ADAMTS4: variants seen among roughly 807,000 people sequenced by gnomAD.
ADAMTS4 encodes the protein A disintegrin and metalloproteinase with thrombospondin motifs 4.
ADAMTS4 carries 38 observed loss-of-function variants against 66.7 expected under a neutral mutation model. The observed-to-expected ratio is 0.57, with a 90% CI of 0.44 to 0.75. The LOEUF (loss-of-function observed/expected upper bound fraction) is 0.75. ADAMTS4 is among the 30% of genes least tolerant of loss of function. The pLI is 0.00. For synonymous variants in ADAMTS4, 418 were observed against 461.5 expected (o/e 0.91, Z 1.21); for missense variants, 1,014 against 1,116.7 (o/e 0.91, Z 1.31).
At position 161,198,604 on chromosome 1, in the gene ADAMTS4, G is replaced by A. The variant is rs746728913; in HGVS notation, c.24C>T (p.Pro8=). The A allele has an allele frequency of 1.1e-5, 17 of 1,536,888 alleles. No individual in the cohort carries two copies. The South Asian group carries it at 1.5e-4, about 14-fold the overall frequency. The stretch of plus-strand genomic sequence containing the variant: ...GCCAGCGCCCTGCCAAGCCCCTCCC[G>A]GGATGCGAGCCTGTCTGGGACATGG... MSQTGSH[P]GRGLAGRWLW... Residue 8 remains proline, a synonymous_variant, in exon 1 of 9, where the codon CCC becomes CCT. Coordinates refer to ENST00000367996, the MANE Select transcript of ADAMTS4 (RefSeq NM_005099.6). The surrounding 1 kb of genome is among the most constrained non-coding windows in gnomAD (Gnocchi z 4.7).
rs1664700422 is a variant in ADAMTS4, at chr1:161,192,211, G to A, written c.1941C>T (p.Asp647=). ...GGCCCTGGACACAGACCGAGGAGCT[G>A]TCCGGGGAACAGGGGGTCCCATCTA... ...RVVDGTPCSP[D]SSSVCVQGRC... The change falls in exon 8 of 9, where the codon GAC becomes GAT. Residue 647 remains aspartate (D), a synonymous_variant. Transcript: ENST00000367996. 1 of 1,614,054 alleles carries A rather than the reference G, an allele frequency of 6.2e-7. No homozygotes were observed. The highest frequency in any genetic ancestry group is 1.3e-5 in the African/African-American group (1 of 75,020).
Position 161,192,100 on chromosome 1 carries a change from A to G in ADAMTS4, c.2052T>C (p.Gly684=). The stretch of plus-strand genomic sequence containing the variant: ...TGAAGGAGCCTGACTGCTTGCTGCA[A>G]CCAGAACCGTCCCCTCCGCACACCA... ...KCMVCGGDGS[G]CSKQSGSFRK... is the part of the protein sequence containing the mutation. Residue 684 remains glycine, a synonymous_variant, in exon 8 of 9, where the codon GGT becomes GGC. Coordinates refer to ENST00000367996, the MANE Select transcript of ADAMTS4 (RefSeq NM_005099.6). 1 of 1,614,036 alleles carries G rather than the reference A, an allele frequency of 6.2e-7. No individual in the cohort carries two copies. Among genetic ancestry groups the G allele is most frequent in the African/African-American group, 1.3e-5 (1 of 75,012 alleles).
rs1008875199 is a variant in ADAMTS4 at position 161,185,772 on chromosome 1, C to T, written c.*5366G>A. On this transcript the variant is annotated 3_prime_UTR_variant, in exon 9 of 9. Transcript: ENST00000367996. ...AGAGATGGAAGAGAAGTGTAAATGC[C>T]GATTCCACAGCACACTCCAGGAACC... 2.0e-5 allele frequency: 3 copies of T among 152,096 alleles called. No homozygotes were observed. Among genetic ancestry groups the T allele is most frequent in the African/African-American group, 7.2e-5 (3 of 41,414 alleles). The allele number at this position is 152,096 out of a possible 1,614,324, so 9.4% of individuals were successfully genotyped here.
rs930628204 is a variant in ADAMTS4 at position 161,187,316 on chromosome 1, C to T, written c.*3822G>A. 9.2e-5 allele frequency: 14 copies of T among 152,116 alleles called. No homozygotes were observed. The highest frequency in any genetic ancestry group is 3.4e-4 in the African/African-American group (14 of 41,404). The allele number at this position is 152,116 out of a possible 1,614,324, so 9.4% of individuals were successfully genotyped here. ...AGAACTCTGCTCATTGTACCATCAA[C>T]TCATAGTATCAAGGTCCATAAACAT... On this transcript the variant is annotated 3_prime_UTR_variant, in exon 9 of 9. Coordinates refer to ENST00000367996, the MANE Select transcript of ADAMTS4 (RefSeq NM_005099.6).
At position 161,198,548 on chromosome 1, in the gene ADAMTS4, G is replaced by A; in HGVS notation, c.80C>T (p.Pro27Leu). 1 of 1,563,832 alleles carries A rather than the reference G, an allele frequency of 6.4e-7. No homozygotes were observed. Among genetic ancestry groups the A allele is most frequent in the Non-Finnish European group, 8.7e-7 (1 of 1,154,382 alleles). ...CACCAGCCAGGAGAGCGGCACAATGGGGAGCAGGAGGCAGGGTTGGGCTCC... is the reference window on the plus strand; with the variant it reads ...CACCAGCCAGGAGAGCGGCACAATGAGGAGCAGGAGGCAGGGTTGGGCTCC... The part of the protein sequence containing the change: ...LWGAQPCLLL[P>L]IVPLSWLVWL... The change falls in exon 1 of 9, where the codon CCC (proline) becomes CTC (leucine). Residue 27 changes from proline to leucine, a missense_variant. Pro to Leu is a moderately conservative substitution (Grantham distance 98, BLOSUM62 -3). Coordinates refer to ENST00000367996, the MANE Select transcript of ADAMTS4 (RefSeq NM_005099.6). The surrounding 1 kb of genome is among the most constrained non-coding windows in gnomAD (Gnocchi z 4.7).
chr1:161,191,916 A>T, intron 8 of ADAMTS4, 149 bp downstream of exon 8: 1 of 994,532 alleles, frequency 1.0e-6, no homozygotes, highest in South Asian at 1.6e-5. Flanking sequence ...TCGGATGAAT[A>T]CATGGGAAAC....
At chr1:161,197,908 T>G (rs4589131) in intron 1 of ADAMTS4, 87 bp downstream of exon 1, 913,224 of 1,494,722 alleles carry the variant, frequency 0.61, 282,805 homozygotes, top group East Asian at 0.92. Flanking sequence ...GCCAGAAGTG[T>G]AAGTGGGTGG....
chr1:161,197,144 G>A (rs1384748629), intron 1 of ADAMTS4: 19 of 436,528 alleles, frequency 4.4e-5, no homozygotes, highest in African/African-American at 1.4e-4. Context: ...CCAGGGCTGC[G>A]GGAGCCCCAG....
Position 161,195,590 on chromosome 1 carries a change from C to T in ADAMTS4, c.1136G>A (p.Ser379Asn), listed in dbSNP as rs779275248. 9 of 1,613,938 alleles carry T rather than the reference C, an allele frequency of 5.6e-6. No individual in the cohort carries two copies. In the Admixed American group the frequency reaches 1.2e-4, roughly 21 times the overall value. Residue 379 changes from serine to asparagine, a missense_variant, in exon 4 of 9, where the codon AGT (serine) becomes AAT (asparagine). Ser to Asn is a conservative substitution (Grantham distance 46, BLOSUM62 1). Coordinates refer to ENST00000367996, the MANE Select transcript of ADAMTS4 (RefSeq NM_005099.6). Reference protein sequence around the residue: ...MLHDNSKPCISLNGPLSTSRH... With the variant: ...MLHDNSKPCINLNGPLSTSRH... ...AGAGGTGCTCAAAGGCCCATTCAAACTGATGCATGGCTTGGAGTTGTCATG... is the reference window on the plus strand; with the variant it reads ...AGAGGTGCTCAAAGGCCCATTCAAATTGATGCATGGCTTGGAGTTGTCATG...
rs1245125130 is a variant in ADAMTS4, at chr1:161,184,699, A to G, written c.*6439T>C. 1.3e-5 allele frequency: 2 copies of G among 152,122 alleles called. No individual in the cohort carries two copies. Among genetic ancestry groups the G allele is most frequent in the Non-Finnish European group, 2.9e-5 (2 of 68,010 alleles). The allele number at this position is 152,122 out of a possible 1,614,324, so 9.4% of individuals were successfully genotyped here. On this transcript the variant is annotated 3_prime_UTR_variant, in exon 9 of 9. Coordinates refer to ENST00000367996, the MANE Select transcript of ADAMTS4 (RefSeq NM_005099.6). Reference sequence around the variant, plus strand: ...AAAATTCTTACATTTTCCGCTCCCTACTACTTATTTGCATCTATATTATCA... The same window carrying G: ...AAAATTCTTACATTTTCCGCTCCCTGCTACTTATTTGCATCTATATTATCA...
At chr1:161,192,327 G>C (rs1664703290) in intron 7 of ADAMTS4, 87 bp from the exon 8 acceptor site, 10 of 1,367,110 alleles carry the variant, frequency 7.3e-6, no homozygotes, top group Non-Finnish European at 9.0e-6. Context: ...TCCCATCAGG[G>C]AAGCAATGTT....
In ADAMTS4 at chr1:161,184,432, A is replaced by C. The variant is rs1285241506; in HGVS notation, c.*6706T>G. The C allele has an allele frequency of 6.6e-6, 1 of 152,248 alleles. No individual in the cohort carries two copies. The highest frequency in any genetic ancestry group is 1.5e-5 in the Non-Finnish European group (1 of 68,040). 9.4% of individuals were successfully genotyped at this position (152,248 alleles called of 1,614,324 possible). Reference sequence around the variant, plus strand: ...GTAATAGTACAAACGTTTTGTAGGTAAGGAAACTGAGGTTTACAGAGATCA... The same window carrying C: ...GTAATAGTACAAACGTTTTGTAGGTCAGGAAACTGAGGTTTACAGAGATCA... On this transcript the variant is annotated 3_prime_UTR_variant, in exon 9 of 9. Transcript: ENST00000367996.
At position 161,195,649 on chromosome 1, in the gene ADAMTS4, G is replaced by A. The variant is rs1558075873; in HGVS notation, c.1091-14C>T. 6 of 1,602,824 alleles carry A rather than the reference G, an allele frequency of 3.7e-6. No individual in the cohort carries two copies. Among genetic ancestry groups the A allele is most frequent in the Non-Finnish European group, 5.1e-6 (6 of 1,174,272 alleles). ...TGAAGACATGACCTGTGGGAGCAAA[G>A]GCCCTGATAGGATCTGAGGGTCCCT... On this transcript the variant is annotated splice_polypyrimidine_tract_variant and intron_variant, in intron 3 of 8. Transcript: ENST00000367996.
chr1:161,191,115 A>G lies in ADAMTS4; in HGVS notation c.*23T>C, dbSNP rs376147938. 4.6e-4 allele frequency: 698 copies of G among 1,518,406 alleles called. No individual in the cohort carries two copies. The highest frequency in any genetic ancestry group is 6.0e-4 in the Non-Finnish European group (680 of 1,133,406). The allele number at this position is 1,518,406 out of a possible 1,614,324, so 94.1% of individuals were successfully genotyped here. A position where few individuals can be genotyped will look rare whatever the true frequency, so the allele number is the denominator to read the frequency against. ...CTAAGTCCGAGGCCCCGGTGCCCAG[A>G]AAGGGCAGCCGGGATAGTGAGGTTA... is the stretch of plus-strand genomic sequence containing the variant. On this transcript the variant is annotated 3_prime_UTR_variant, in exon 9 of 9. Coordinates refer to ENST00000367996, the MANE Select transcript of ADAMTS4 (RefSeq NM_005099.6).
In ADAMTS4 at chr1:161,198,570, C is replaced by A; in HGVS notation, c.58G>T (p.Ala20Ser). The A allele has an allele frequency of 6.4e-7, 1 of 1,554,420 alleles. No homozygotes were observed. The highest frequency in any genetic ancestry group is 8.7e-7 in the Non-Finnish European group (1 of 1,149,702). The part of the protein sequence containing the change: ...RGLAGRWLWG[A>S]QPCLLLPIVP... ...ATGGGGAGCAGGAGGCAGGGTTGGG[C>A]TCCCCACAGCCAGCGCCCTGCCAAG... The change falls in exon 1 of 9, where the codon GCC (alanine) becomes TCC (serine). Residue 20 changes from alanine to serine, a missense_variant. Transcript: ENST00000367996. This position sits in a 1 kb window ranked among gnomAD's most constrained non-coding sequence, Gnocchi z 4.7.
Position 161,196,625 on chromosome 1 carries a change from G to T in ADAMTS4, c.889C>A (p.Arg297=). The T allele has an allele frequency of 5.0e-6, 8 of 1,614,192 alleles. No individual in the cohort carries two copies. In the African/African-American group the frequency reaches 6.7e-5, roughly 13 times the overall value. Residue 297 remains arginine (R), a synonymous_variant, in exon 2 of 9, where the codon CGG becomes AGG. Coordinates refer to ENST00000367996, the MANE Select transcript of ADAMTS4 (RefSeq NM_005099.6). ...GAGTCCTCAGGGGTGTTGAGGCCCC[G>T]CTGCCAGGCACAGAAGCTGCGCAGG... ...QTLRSFCAWQ[R]GLNTPEDSDP...
Position 161,191,133 on chromosome 1 carries a change from T to A in ADAMTS4, c.*5A>T, listed in dbSNP as rs766357712. On this transcript the variant is annotated 3_prime_UTR_variant, in exon 9 of 9. Coordinates refer to ENST00000367996, the MANE Select transcript of ADAMTS4 (RefSeq NM_005099.6). ...TGCCCAGAAAGGGCAGCCGGGATAG[T>A]GAGGTTATTTCCTGCCCGCCCAGGG... 5.2e-6 allele frequency: 8 copies of A among 1,535,592 alleles called. No homozygotes were observed. The East Asian group carries it at 1.8e-4, about 35-fold the overall frequency.
At chr1:161,195,934 G>C (rs200651863) in intron 3 of ADAMTS4, 43 of 440,092 alleles carry the variant, frequency 9.8e-5, no homozygotes, top group African/African-American at 1.5e-4. Context: ...CACACACACA[G>C]ACACACACAC....
rs111551458 is a variant in ADAMTS4 at position 161,193,764 on chromosome 1, C to G, written c.1611G>C (p.Gly537=). 2 of 1,614,026 alleles carry G rather than the reference C, an allele frequency of 1.2e-6. No individual in the cohort carries two copies. The highest frequency in any genetic ancestry group is 1.3e-5 in the African/African-American group (1 of 75,052). The change falls in exon 6 of 9, where the codon GGG becomes GGC. Residue 537 remains glycine, a synonymous_variant. Coordinates refer to ENST00000367996, the MANE Select transcript of ADAMTS4 (RefSeq NM_005099.6). This position sits in a 1 kb window ranked among gnomAD's most constrained non-coding sequence, Gnocchi z 4.4. ...CTCGGGAGGAGAACTGGACACCACC[C>G]CCACAGGTCCGAGAGCAGTCACCCC... The part of the protein sequence containing the change: ...GPWGDCSRTC[G]GGVQFSSRDC...
Sources: allele counts gnomAD v4.1 joint callset, GRCh38; gene constraint gnomAD v4.1.1; non-coding constraint Gnocchi (gnomAD v3.1); transcripts MANE v1.5; gene names NCBI Gene and HGNC (gene_info 2026-07-23, HGNC 2026-07-21).